The following MYH6 variants were observed in gnomAD, a reference collection of about 807,000 sequenced individuals.
MYH6 encodes myosin heavy chain 6, also known as myosin-6.
In MYH6, 126 loss-of-function variants were observed where a neutral mutation model predicts 223.2. That is an observed-to-expected ratio of 0.56 (90% confidence interval 0.49 to 0.65). The LOEUF is 0.65. Among genes scored for constraint, MYH6 ranks in the 30% least tolerant of loss-of-function variants. The pLI, the probability that MYH6 is intolerant of heterozygous loss-of-function variation, is 0.00. For synonymous variants in MYH6, 978 were observed against 1,010.2 expected, an observed-to-expected ratio of 0.97 and a Z score of 0.61; for missense variants, 2,040 against 2,536.4, an observed-to-expected ratio of 0.80 and a Z score of 4.20.
chr14:23,398,883 G>C lies in MYH6; in HGVS notation c.1736C>G (p.Ser579Cys), dbSNP rs374180605. The C allele has an allele frequency of 4.3e-6, 7 of 1,614,140 alleles. No individual in the cohort carries two copies. The highest frequency in any genetic ancestry group is 5.1e-6 in the Non-Finnish European group (6 of 1,180,028). The change falls in exon 15 of 39, where the codon TCC becomes TGC. Residue 579 changes from serine to cysteine, a missense_variant. Ser to Cys is a moderately radical substitution (Grantham distance 112). This residue lies in a region of MYH6 where 649 missense variants were observed against 877.3 expected (regional missense o/e 0.74). Transcript: ENST00000405093. ...NIKGKQEAHF[S>C]LIHYAGTVDY... ...CACAGTGCCGGCGTAGTGGATCAGGGAGAAGTGGGCTTCCTGCTTCCCCTT... is the reference window on the plus strand; with the variant it reads ...CACAGTGCCGGCGTAGTGGATCAGGCAGAAGTGGGCTTCCTGCTTCCCCTT...
Position 23,386,578 on chromosome 14 carries a change from C to A in MYH6, c.4696G>T (p.Glu1566Ter), listed in dbSNP as rs1891031525. The stretch of plus-strand genomic sequence containing the variant: ...ATCTCTGCCTTGATCTGGTTGAACT[C>A]TAGCTGGGCCCGGAGGATCTTGCCC... ...EEGKILRAQL[E>*]FNQIKAEIER... The change falls in exon 33 of 39, where the codon GAG (glutamate) becomes TAG (stop). Residue 1566 changes from glutamate (E) to a stop codon, truncating the protein, a stop_gained. Coordinates refer to ENST00000405093, the MANE Select transcript of MYH6 (RefSeq NM_002471.4). LOFTEE classifies it high-confidence loss of function. 1.2e-6 allele frequency: 2 copies of A among 1,612,730 alleles called. No individual in the cohort carries two copies. The highest frequency in any genetic ancestry group is 4.5e-5 in the East Asian group (2 of 44,838).
chr14:23,404,536 C>T, intron 7 of MYH6, 148 bp from the exon 8 acceptor site: 1 of 1,133,692 alleles, frequency 8.8e-7, no homozygotes. Flanking sequence ...GGATCCTACC[C>T]AGACCTCAGG....
At chr14:23,406,908 C>T (rs1891805179) in intron 3 of MYH6, 115 bp downstream of exon 3, 6 of 1,145,652 alleles carry the variant, frequency 5.2e-6, no homozygotes, top group Admixed American at 1.7e-5. Flanking sequence ...TCCTGGCATC[C>T]CCACTGGCCT....
At position 23,407,096 on chromosome 14, in the gene MYH6, T is replaced by C. The variant is rs771062327; in HGVS notation, c.128A>G (p.Lys43Arg). 6.2e-7 allele frequency: 1 copy of C among 1,614,250 alleles called. No individual in the cohort carries two copies. Among genetic ancestry groups the C allele is most frequent in the Admixed American group, 1.7e-5 (1 of 60,030 alleles). The change falls in exon 3 of 39, where the codon AAG becomes AGG. Residue 43 changes from lysine (K) to arginine (R), a missense_variant. Lys to Arg is a conservative substitution (Grantham distance 26). Transcript: ENST00000405093. The surrounding 1 kb of genome is among the most constrained non-coding windows in gnomAD (Gnocchi z 5.6). Reference sequence around the variant, plus strand: ...AATCTTGGCTTTGACAAACTCTTCCTTGTCATCGGGCACGAAGCACTCAGT... The same window carrying C: ...AATCTTGGCTTTGACAAACTCTTCCCTGTCATCGGGCACGAAGCACTCAGT... ...IRTECFVPDD[K>R]EEFVKAKILS...
At chr14:23,392,459 C>T (rs1379256605) in intron 25 of MYH6, 103 bp downstream of exon 25, 2 of 920,850 alleles carry the variant, frequency 2.2e-6, no homozygotes, top group East Asian at 4.8e-5. Flanking sequence ...TATGAGGCTG[C>T]CTGGAGTTCC....
intron 37 of MYH6, 96 bp downstream of exon 37, chr14:23,383,129 C>G: frequency 3.6e-6 from 4 of 1,124,648 alleles, no homozygotes; most frequent in Non-Finnish European, 5.4e-6. Context: ...AAGTTTATAG[C>G]AAACTCTTTG....
At chr14:23,387,201 C>T (rs1344791660) in intron 32 of MYH6, among the ~76,000 whole-genome samples, 1 of 152,212 alleles carries the variant, frequency 6.6e-6, no homozygotes, top group East Asian at 1.9e-4. Context: ...CAGTGAAAGT[C>T]CTCAAGCTGT....
At position 23,388,987 on chromosome 14, in the gene MYH6, G is replaced by A. The variant is rs570555040; in HGVS notation, c.4047C>T (p.Tyr1349=). The change falls in exon 29 of 39, where the codon TAC becomes TAT. Residue 1349 remains tyrosine, a synonymous_variant. Coordinates refer to ENST00000405093, the MANE Select transcript of MYH6 (RefSeq NM_002471.4). The stretch of plus-strand genomic sequence containing the variant: ...CGGCCTTGGCCTCTGTCTCCTCCTC[G>A]TACTGCTCCCGCAGCAGGTCGCAGT... The part of the protein sequence containing the change: ...RHDCDLLREQ[Y]EEETEAKAEL... 7.4e-6 allele frequency: 12 copies of A among 1,613,582 alleles called. No individual in the cohort carries two copies. The highest frequency in any genetic ancestry group is 6.7e-5 in the African/African-American group (5 of 74,988).
At chr14:23,385,066 T>G (rs373092927) in intron 34 of MYH6, 25 bp from the exon 35 acceptor site, 1 of 1,613,864 alleles carries the variant, frequency 6.2e-7, no homozygotes, top group Non-Finnish European at 8.5e-7. Flanking sequence ...AGAAAAATGA[T>G]CAAATATATA....
At chr14:23,388,599 C>A (rs750630134) in intron 29 of MYH6, 62 of 857,094 alleles carry the variant, frequency 7.2e-5, no homozygotes, top group Non-Finnish European at 1.2e-4. Flanking sequence ...GCTCCTCTGA[C>A]CAACAAGCTT....
intron 15 of MYH6, 40 bp from the exon 16 acceptor site, chr14:23,397,653 A>G: frequency 6.2e-7 from 1 of 1,605,994 alleles, no homozygotes; most frequent in Non-Finnish European, 8.5e-7. Context: ...GGAGCTGGAA[A>G]ATAAAGGAGC....
intron 6 of MYH6, 21 bp from the exon 7 acceptor site, chr14:23,404,843 T>C: frequency 2.5e-6 from 4 of 1,606,752 alleles, no homozygotes; most frequent in Non-Finnish European, 2.6e-6. Context: ...CAGAGACCAA[T>C]CAAAACTCAG....
intron 29 of MYH6, 181 bp downstream of exon 29, chr14:23,388,678 T>C: frequency 9.4e-7 from 1 of 1,060,322 alleles, no homozygotes; most frequent in Non-Finnish European, 1.5e-6. Flanking sequence ...AGGAAGTGGG[T>C]CAGGGCCAGC....
At position 23,404,337 on chromosome 14, in the gene MYH6, C is replaced by A. The variant is rs587782960; in HGVS notation, c.694G>T (p.Gly232Cys). The A allele has an allele frequency of 6.2e-7, 1 of 1,614,238 alleles. No homozygotes were observed. The highest frequency in any genetic ancestry group is 1.3e-5 in the African/African-American group (1 of 75,064). The change falls in exon 8 of 39, where the codon GGC (glycine) becomes TGC (cysteine). Residue 232 changes from glycine to cysteine, a missense_variant. Gly to Cys is a radical substitution (Grantham distance 159). Around this residue, in one of 4 missense-constraint regions of MYH6, gnomAD observed 649 missense variants for 877.3 expected, o/e 0.74. Coordinates refer to ENST00000405093, the MANE Select transcript of MYH6 (RefSeq NM_002471.4). ...TCGTTCCGGACAGTCTTGGCATTGCCGAAGGCCTCCAGAGCGGGGTTGGCC... is the reference window on the plus strand; with the variant it reads ...TCGTTCCGGACAGTCTTGGCATTGCAGAAGGCCTCCAGAGCGGGGTTGGCC... The part of the protein sequence containing the change: ...IQANPALEAF[G>C]NAKTVRNDNS...
At chr14:23,396,449 C>T (rs373212740) in intron 19 of MYH6, 29 bp from the exon 20 acceptor site, 54 of 1,612,008 alleles carry the variant, frequency 3.3e-5, no homozygotes, top group South Asian at 6.6e-5. Context: ...TGCAACAGGC[C>T]GCAGCCTCAG....
chr14:23,401,857 T>C (rs1891613179), intron 12 of MYH6, among the ~76,000 whole-genome samples: 2 of 152,226 alleles, frequency 1.3e-5, no homozygotes, highest in South Asian at 4.1e-4. Context: ...TTCAAGAATG[T>C]TGTAATAACT....
At position 23,384,463 on chromosome 14, in the gene MYH6, G is replaced by A. The variant is rs147348589; in HGVS notation, c.5544C>T (p.Arg1848=). 2.7e-5 allele frequency: 44 copies of A among 1,611,552 alleles called. 1 individual carries two copies. In the African/African-American group the frequency reaches 4.5e-4, roughly 17 times the overall value. The change falls in exon 36 of 39, where the codon CGC becomes CGT. Residue 1848 remains arginine, a synonymous_variant. Coordinates refer to ENST00000405093, the MANE Select transcript of MYH6 (RefSeq NM_002471.4). ...SVKGMRKSER[R]IKELTYQTEE... is the part of the protein sequence containing the mutation. ...GCACCTGGTAGGTGAGCTCCTTGATGCGCCGCTCGCTCTTCCTCATGCCCT... is the reference window on the plus strand; with the variant it reads ...GCACCTGGTAGGTGAGCTCCTTGATACGCCGCTCGCTCTTCCTCATGCCCT...
intron 29 of MYH6, 159 bp from the exon 30 acceptor site, chr14:23,388,497 G>A (rs1891112167): frequency 2.4e-6 from 3 of 1,234,638 alleles, no homozygotes; most frequent in Admixed American, 1.7e-5. Flanking sequence ...GAGTCCGCCA[G>A]CACGGGCTGC....
rs749247861 is a variant in MYH6 at position 23,393,665 on chromosome 14, C to T, written c.2928+1G>A. 6.2e-7 allele frequency: 1 copy of T among 1,614,162 alleles called. No homozygotes were observed. Among genetic ancestry groups the T allele is most frequent in the South Asian group, 1.1e-5 (1 of 91,084 alleles). On this transcript the variant is annotated splice_donor_variant, in intron 22 of 38. Transcript: ENST00000405093. LOFTEE classifies it high-confidence loss of function. ...CTGAAGCCAGAGGGAGCTGCCCTCA[C>T]CTTGTTCTCTGTTGCATGCTTCTCC...
Sources: allele counts gnomAD v4.1 joint callset (sites outside exome capture counted in the v4.1 genomes callset), GRCh38; gene constraint gnomAD v4.1.1; regional missense constraint gnomAD v4.1.1; non-coding constraint Gnocchi (gnomAD v3.1); transcripts MANE v1.5; gene names NCBI Gene and HGNC (gene_info 2026-07-23, HGNC 2026-07-21).